DIP2C: variants seen among roughly 807,000 people sequenced by gnomAD.
DIP2C encodes the protein disco-interacting protein 2 homolog C.
Under a neutral mutation model 192.4 loss-of-function variants are expected in DIP2C, and 33 were observed. The observed-to-expected ratio is 0.17, with a 90% confidence interval of 0.13 to 0.23. The LOEUF is 0.23. DIP2C is among the 10% of genes least tolerant of loss of function. DIP2C has a pLI of 1.00. For synonymous variants in DIP2C, 979 were observed against 864.1 expected, an observed-to-expected ratio of 1.13 and a Z score of -2.33; for missense variants, 1,537 against 2,110.1, an observed-to-expected ratio of 0.73 and a Z score of 5.32.
At chr10:378,806 G>C (rs1192427711) in intron 17 of DIP2C, among the ~76,000 whole-genome samples, 3 of 115,008 alleles carry the variant, frequency 2.6e-5, no homozygotes, top group African/African-American at 1.1e-4. Flanking sequence ...CATGCATAAA[G>C]ACACAAATGA....
chr10:329,628 G>T, intron 29 of DIP2C, 27 bp from the exon 30 acceptor site: 2 of 1,605,734 alleles, frequency 1.2e-6, no homozygotes, highest in Non-Finnish European at 1.7e-6. Flanking sequence ...GGCTGTCAGG[G>T]CGGGAGCTCA....
At chr10:629,102 G>A (rs1193037485) in intron 1 of DIP2C, among the ~76,000 whole-genome samples, 5 of 152,204 alleles carry the variant, frequency 3.3e-5, no homozygotes, top group African/African-American at 1.2e-4. Flanking sequence ...TCGCTGTCTG[G>A]GTCTAAGAAA....
At chr10:610,155 C>T (rs958181414) in intron 1 of DIP2C, among the ~76,000 whole-genome samples, 5 of 152,190 alleles carry the variant, frequency 3.3e-5, no homozygotes, top group Admixed American at 2.6e-4. Context: ...GAGGAGAGAG[C>T]CCTGTCATCC....
chr10:631,315 AC>A (rs1854506024), intron 1 of DIP2C: 1 of 152,092 alleles, frequency 6.6e-6, no homozygotes, highest in Non-Finnish European at 1.5e-5. Context: ...GTTTCCTTCC[AC>A]CCACTGTAGC....
At chr10:573,716 T>C (rs958133393) in intron 1 of DIP2C, among the ~76,000 whole-genome samples, 3 of 152,148 alleles carry the variant, frequency 2.0e-5, no homozygotes, top group Non-Finnish European at 2.9e-5. Context: ...GCTTTTTTTT[T>C]CCTCTTTTCT....
chr10:486,417 C>A (rs775471750), intron 2 of DIP2C, 42 bp downstream of exon 2: 3 of 1,520,920 alleles, frequency 2.0e-6, no homozygotes, highest in African/African-American at 2.8e-5. Flanking sequence ...ATAGTGAATG[C>A]GGGAAATGAG....
At chr10:325,251 T>C (rs1245526125) in intron 31 of DIP2C, among the ~76,000 whole-genome samples, 5 of 151,366 alleles carry the variant, frequency 3.3e-5, no homozygotes, top group African/African-American at 9.7e-5. Flanking sequence ...GGCAACAGAG[T>C]GATACTCCAT....
chr10:579,473 A>G (rs1379297114), intron 1 of DIP2C, among the ~76,000 whole-genome samples: 2 of 151,956 alleles, frequency 1.3e-5, no homozygotes, highest in Non-Finnish European at 2.9e-5. Flanking sequence ...ACACACATAC[A>G]GATCCAGTGT....
chr10:288,146 TGGA>T (rs1400943834), intron 33 of DIP2C, among the ~76,000 whole-genome samples: 3 of 152,214 alleles, frequency 2.0e-5, no homozygotes, highest in Admixed American at 6.5e-5. Flanking sequence ...GCTGGCTTCA[TGGA>T]GGAGGAGATG....
chr10:479,014 C>T (rs917592635), intron 2 of DIP2C, among the ~76,000 whole-genome samples: 22 of 152,306 alleles, frequency 1.4e-4, no homozygotes, highest in African/African-American at 5.1e-4. Flanking sequence ...GAGTGTCCTG[C>T]AGGAGAAGCC....
chr10:492,759 C>T (rs1034394102), intron 1 of DIP2C, among the ~76,000 whole-genome samples: 2 of 152,128 alleles, frequency 1.3e-5, no homozygotes, highest in South Asian at 2.1e-4. Context: ...TTTGTATTGT[C>T]CCCTGTAGCT....
At chr10:309,140 G>C (rs1418279127) in intron 32 of DIP2C, among the ~76,000 whole-genome samples, 1 of 152,172 alleles carries the variant, frequency 6.6e-6, no homozygotes, top group South Asian at 2.1e-4. Context: ...CTGTTTCAAC[G>C]GGGGAAGTCT....
chr10:427,128 T>C (rs1396754928), intron 4 of DIP2C, among the ~76,000 whole-genome samples: 1 of 152,194 alleles, frequency 6.6e-6, no homozygotes, highest in African/African-American at 2.4e-5. Flanking sequence ...GTCAGAAGTG[T>C]AAAATCTGAG....
At chr10:360,667 T>A (rs1158485216) in intron 22 of DIP2C, among the ~76,000 whole-genome samples, 3 of 152,184 alleles carry the variant, frequency 2.0e-5, no homozygotes, top group African/African-American at 7.2e-5. Flanking sequence ...CCTTTAAAGC[T>A]GTGGAATTGT....
At chr10:608,043 GCA>G (rs1186549060) in intron 1 of DIP2C, among the ~76,000 whole-genome samples, 1 of 151,094 alleles carries the variant, frequency 6.6e-6, no homozygotes, top group Non-Finnish European at 1.5e-5. Flanking sequence ...ACTAGAATAT[GCA>G]CAAATGTTCA....
Position 274,375 on chromosome 10 carries a change from A to G in DIP2C, c.*2950T>C, listed in dbSNP as rs1954412360. 1 of 152,258 alleles carries G rather than the reference A, an allele frequency of 6.6e-6. No individual in the cohort carries two copies. Among genetic ancestry groups the G allele is most frequent in the African/African-American group, 2.4e-5 (1 of 41,474 alleles). The allele number at this position is 152,258 out of a possible 1,614,324, so 9.4% of individuals were successfully genotyped here. A position where few individuals can be genotyped will look rare whatever the true frequency, so the allele number is the denominator to read the frequency against. The stretch of plus-strand genomic sequence containing the variant: ...ACAAATTATGTAAACAGAGTCAGAT[A>G]CATTTCCCTGTAGGAGTCACTTCCT... On this transcript the variant is annotated 3_prime_UTR_variant, in exon 37 of 37. Coordinates refer to ENST00000280886, the MANE Select transcript of DIP2C (RefSeq NM_014974.3).
chr10:542,745 G>A (rs1266145228), intron 1 of DIP2C, among the ~76,000 whole-genome samples: 6 of 151,566 alleles, frequency 4.0e-5, no homozygotes, highest in Non-Finnish European at 8.8e-5. Context: ...TCGGATTGGG[G>A]AGTGGGGGGT....
At chr10:439,054 C>T (rs781415270) in intron 4 of DIP2C, among the ~76,000 whole-genome samples, 3 of 152,270 alleles carry the variant, frequency 2.0e-5, no homozygotes, top group East Asian at 1.9e-4. Flanking sequence ...CCATGTTTTC[C>T]GGGCTGGTCT....
chr10:378,371 A>G (rs1423383733), intron 17 of DIP2C, among the ~76,000 whole-genome samples: 1 of 152,240 alleles, frequency 6.6e-6, no homozygotes, highest in Non-Finnish European at 1.5e-5. Flanking sequence ...ACACATCAAC[A>G]CAAACACGAA....
Sources: allele counts gnomAD v4.1 joint callset (sites outside exome capture counted in the v4.1 genomes callset), GRCh38; gene constraint gnomAD v4.1.1; transcripts MANE v1.5; gene names NCBI Gene and HGNC (gene_info 2026-07-23, HGNC 2026-07-21).